PLS3: variants seen among roughly 807,000 people sequenced by gnomAD.
PLS3 encodes plastin-3.
Under a neutral mutation model 46.5 loss-of-function variants are expected in PLS3, and 11 were observed. The observed-to-expected ratio is 0.24, with a 90% confidence interval of 0.15 to 0.39. The LOEUF is 0.39. PLS3 is among the 10% of genes least tolerant of loss of function. The pLI is 1.00. For missense variants in PLS3, 308 were observed against 461.8 expected, an observed-to-expected ratio of 0.67 and a Z score of 3.05; for synonymous variants, 167 against 162.2, an observed-to-expected ratio of 1.03 and a Z score of -0.22.
At chrX:115,633,635 C>T (rs2074800898) in intron 5 of PLS3, among the ~76,000 whole-genome samples, 1 of 110,411 alleles carries the variant, frequency 9.1e-6, no homozygotes, top group Non-Finnish European at 1.9e-5. Context: ...GTACTACAGG[C>T]ACATGCCACC....
chrX:115,582,524 C>G (rs1324129424), intron 1 of PLS3, among the ~76,000 whole-genome samples: 1 of 111,816 alleles, frequency 8.9e-6, no homozygotes, highest in Non-Finnish European at 1.9e-5. Flanking sequence ...ACAAAATAAA[C>G]AAATTTTGTA....
intron 1 of PLS3, among the ~76,000 whole-genome samples, chrX:115,587,716 CAG>C (rs1377863074): frequency 3.1e-5 from 3 of 98,202 alleles, no homozygotes; most frequent in African/African-American, 1.2e-4. Flanking sequence ...GCCTGGGCGA[CAG>C]AGCGAGACTC....
intron 1 of PLS3, among the ~76,000 whole-genome samples, chrX:115,581,031 C>T (rs904363161): frequency 1.8e-5 from 2 of 111,176 alleles, no homozygotes; most frequent in African/African-American, 3.3e-5. Context: ...CCACCATGCC[C>T]GGCCAGCAGT....
chrX:115,632,102 C>T (rs951389846), intron 5 of PLS3, among the ~76,000 whole-genome samples: 8 of 111,385 alleles, frequency 7.2e-5, no homozygotes, highest in African/African-American at 2.6e-4. Context: ...CCGTGCCCGG[C>T]CTCCCTTGCA....
intron 2 of PLS3, 45 bp from the exon 3 acceptor site, chrX:115,622,201 T>G: frequency 9.2e-7 from 1 of 1,088,039 alleles, no homozygotes; most frequent in Non-Finnish European, 1.3e-6. Context: ...AACTTCTGTC[T>G]TTCAATTTTT....
chrX:115,636,651 A>G (rs914280370), intron 7 of PLS3, among the ~76,000 whole-genome samples, 185 bp from the exon 8 acceptor site: 2 of 112,026 alleles, frequency 1.8e-5, no homozygotes, highest in African/African-American at 6.5e-5. Context: ...AAATTGTAGT[A>G]TTATGTTATT....
At chrX:115,638,511 C>T (rs2074860606) in intron 8 of PLS3, among the ~76,000 whole-genome samples, 1 of 110,885 alleles carries the variant, frequency 9.0e-6, no homozygotes, top group South Asian at 3.8e-4. Context: ...TCCTAAAATG[C>T]TGGGATTACA....
chrX:115,561,629 C>T (rs1393705943), intron 1 of PLS3, among the ~76,000 whole-genome samples: 3 of 111,766 alleles, frequency 2.7e-5, no homozygotes, highest in Non-Finnish European at 5.7e-5. Context: ...CGGCTGCGGC[C>T]CCGAAGTGGA....
chrX:115,648,222 G>T (rs1172703142), intron 15 of PLS3, among the ~76,000 whole-genome samples: 1 of 111,587 alleles, frequency 9.0e-6, no homozygotes, highest in African/African-American at 3.3e-5. Flanking sequence ...TAAGAGCCTA[G>T]CCTTGTGCTT....
intron 2 of PLS3, among the ~76,000 whole-genome samples, chrX:115,617,680 T>C (rs971128008): frequency 1.8e-5 from 2 of 112,231 alleles, no homozygotes; most frequent in African/African-American, 6.5e-5. Context: ...TAATGACAAA[T>C]TCTTATTCCT....
chrX:115,640,434 C>G lies in PLS3; in HGVS notation c.918C>G (p.Leu306=), dbSNP rs944940390. 1.7e-6 allele frequency: 2 copies of G among 1,192,715 alleles called. No individual in the cohort carries two copies. The highest frequency in any genetic ancestry group is 2.3e-6 in the Non-Finnish European group (2 of 878,545). ...IKDSKAYFHL[L]NQIAPKGQKE... is the part of the protein sequence containing the mutation. ...ATTCCAAAGCCTATTTCCATCTTCTCAATCAAATCGCACCAAAAGGACAAA... is the reference window on the plus strand; with the variant it reads ...ATTCCAAAGCCTATTTCCATCTTCTGAATCAAATCGCACCAAAAGGACAAA... The change falls in exon 9 of 16, where the codon CTC becomes CTG. Residue 306 remains leucine (L), a synonymous_variant. Transcript: ENST00000355899.
At chrX:115,566,028 TTTATTTTTAAGCCATGTGA>T (rs2074169732) in intron 1 of PLS3, among the ~76,000 whole-genome samples, 1 of 112,458 alleles carries the variant, frequency 8.9e-6, no homozygotes, top group Admixed American at 9.5e-5. Flanking sequence ...TGGGTTTCAC[TTTATTTTTAAGCCATGTGA>T]TTCCAATCTA....
intron 11 of PLS3, among the ~76,000 whole-genome samples, chrX:115,645,692 C>G (rs782358255): frequency 1.1e-4 from 12 of 111,283 alleles, no homozygotes; most frequent in Non-Finnish European, 2.3e-4. Context: ...AACCCTAGTT[C>G]CTTTTTTTCT....
rs1556641717 is a variant in PLS3 at position 115,646,479 on chromosome X, C to T, written c.1455C>T (p.Asp485=). The T allele has an allele frequency of 4.1e-6, 5 of 1,210,867 alleles. No individual in the cohort carries two copies. Among genetic ancestry groups the T allele is most frequent in the Non-Finnish European group, 5.6e-6 (5 of 894,604 alleles). ...CCCTGGTTGGCATTGGAGGGCAAGA[C>T]CTGAATGATGGGAACCAAACCCTGA... ...KFSLVGIGGQ[D]LNDGNQTLTL... The change falls in exon 13 of 16, where the codon GAC becomes GAT. Residue 485 remains aspartate (D), a synonymous_variant. Coordinates refer to ENST00000355899, the MANE Select transcript of PLS3 (RefSeq NM_005032.7).
chrX:115,572,387 G>A (rs1231380799), intron 1 of PLS3, among the ~76,000 whole-genome samples: 1 of 111,365 alleles, frequency 9.0e-6, no homozygotes, highest in Non-Finnish European at 1.9e-5. Flanking sequence ...TATCTAGTAG[G>A]TGCTAGCAGA....
intron 1 of PLS3, among the ~76,000 whole-genome samples, chrX:115,570,038 G>A (rs1368553653): frequency 9.0e-6 from 1 of 111,038 alleles, no homozygotes. Flanking sequence ...CCAGGTTCAA[G>A]CGATTCTCCT....
At chrX:115,604,839 C>T (rs1283074261) in intron 1 of PLS3, among the ~76,000 whole-genome samples, 1 of 111,876 alleles carries the variant, frequency 8.9e-6, no homozygotes, top group Non-Finnish European at 1.9e-5. Flanking sequence ...TTCCAAGTTA[C>T]TTAATGTGAT....
At chrX:115,589,769 A>C (rs782122723) in intron 1 of PLS3, among the ~76,000 whole-genome samples, 1 of 112,306 alleles carries the variant, frequency 8.9e-6, no homozygotes, top group East Asian at 2.8e-4. Flanking sequence ...TTCCACTGAT[A>C]CTTATGTGAA....
intron 11 of PLS3, among the ~76,000 whole-genome samples, chrX:115,645,418 G>GCTATGGTTGTGCCACT (rs782416310): frequency 5.9e-4 from 65 of 110,403 alleles, no homozygotes; most frequent in Admixed American, 2.0e-3. Flanking sequence ...GCTTCAGTGA[G>GCTATGGTTGTGCCACT]CTATGGTTGT....
Sources: gnomAD v4.1 joint callset for allele counts (sites outside exome capture counted in the v4.1 genomes callset) on GRCh38, gnomAD v4.1.1 for gene constraint, MANE v1.5 for transcripts, NCBI Gene and HGNC (gene_info 2026-07-23, HGNC 2026-07-21) for gene names.